SGCZ: variants seen among roughly 807,000 people sequenced by gnomAD.
The protein encoded by SGCZ is zeta-sarcoglycan.
A neutral mutation model predicts 41.3 loss-of-function variants in SGCZ; 40 were observed. The observed-to-expected ratio is 0.97, with a 90% confidence interval of 0.75 to 1.26. The LOEUF is 1.26. Among genes scored for constraint, SGCZ ranks in the 50% most tolerant of loss-of-function variants. The pLI is 0.00. For missense variants in SGCZ, 552 were observed against 369.8 expected (o/e 1.49, Z -4.04); for synonymous variants, 206 against 137.5 (o/e 1.50, Z -3.49).
chr8:15,164,270 G>A (rs1013643954), intron 1 of SGCZ, among the ~76,000 whole-genome samples: 1 of 152,094 alleles, frequency 6.6e-6, no homozygotes, highest in Non-Finnish European at 1.5e-5. Flanking sequence ...TTGCTTCTAC[G>A]CCTTTTCAAC....
intron 2 of SGCZ, among the ~76,000 whole-genome samples, chr8:14,422,733 A>G (rs912969853): frequency 1.3e-5 from 2 of 152,196 alleles, no homozygotes; most frequent in African/African-American, 4.8e-5. Context: ...TTCAAAATAC[A>G]GAAGGCTTGC....
At chr8:14,146,876 AAT>A (rs1803539441) in intron 5 of SGCZ, among the ~76,000 whole-genome samples, 1 of 143,760 alleles carries the variant, frequency 7.0e-6, no homozygotes, top group South Asian at 2.1e-4. Flanking sequence ...CGTCTCAAAA[AAT>A]AAAAATAAAA....
At chr8:14,613,642 TA>T (rs1806002084) in intron 1 of SGCZ, among the ~76,000 whole-genome samples, 1 of 152,222 alleles carries the variant, frequency 6.6e-6, no homozygotes, top group South Asian at 2.1e-4. Flanking sequence ...TATACGCCAT[TA>T]AATCATGTAA....
chr8:14,930,170 G>A (rs978067726), intron 1 of SGCZ, among the ~76,000 whole-genome samples: 1 of 152,036 alleles, frequency 6.6e-6, no homozygotes, highest in Non-Finnish European at 1.5e-5. Flanking sequence ...ATCAAAAAGT[G>A]GGCGAAGGAT....
At chr8:14,765,538 G>C (rs957942517) in intron 1 of SGCZ, among the ~76,000 whole-genome samples, 1 of 152,298 alleles carries the variant, frequency 6.6e-6, no homozygotes, top group African/African-American at 2.4e-5. Flanking sequence ...TCCTGGCAGA[G>C]TATCCCTCAG....
At chr8:14,689,679 A>C (rs1156671196) in intron 1 of SGCZ, among the ~76,000 whole-genome samples, 1 of 152,200 alleles carries the variant, frequency 6.6e-6, no homozygotes, top group Non-Finnish European at 1.5e-5. Flanking sequence ...TGAAATTGTT[A>C]ATCAGGGACT....
intron 4 of SGCZ, among the ~76,000 whole-genome samples, chr8:14,193,075 T>G (rs888254841): frequency 6.6e-6 from 1 of 151,890 alleles, no homozygotes. Context: ...AGACTGTATC[T>G]TATAGGCTGT....
intron 1 of SGCZ, among the ~76,000 whole-genome samples, chr8:14,990,433 C>A (rs1801970699): frequency 2.0e-5 from 3 of 152,142 alleles, no homozygotes; most frequent in African/African-American, 4.8e-5. Context: ...CTCCCCATCG[C>A]TGGGATTACT....
chr8:15,009,696 C>G (rs1327851137), intron 1 of SGCZ, among the ~76,000 whole-genome samples: 1 of 152,114 alleles, frequency 6.6e-6, no homozygotes, highest in Non-Finnish European at 1.5e-5. Context: ...CTCTCAGGCT[C>G]CTGAAAGTTT....
intron 1 of SGCZ, among the ~76,000 whole-genome samples, chr8:14,915,043 ATT>A (rs1203584023): frequency 4.6e-5 from 7 of 151,988 alleles, no homozygotes; most frequent in Non-Finnish European, 1.0e-4. Flanking sequence ...CAGTAAAAAT[ATT>A]TTTTTTCAGC....
intron 1 of SGCZ, among the ~76,000 whole-genome samples, chr8:14,765,123 C>T (rs1232117013): frequency 2.0e-5 from 3 of 152,178 alleles, no homozygotes; most frequent in Non-Finnish European, 4.4e-5. Context: ...TTCCAACATG[C>T]TCCTGTGACA....
intron 5 of SGCZ, among the ~76,000 whole-genome samples, chr8:14,139,956 A>T (rs562422357): frequency 4.1e-4 from 63 of 152,280 alleles, no homozygotes; most frequent in South Asian, 3.5e-3. Context: ...GGCAAACCAA[A>T]TCCAGCAGCA....
intron 1 of SGCZ, among the ~76,000 whole-genome samples, chr8:15,190,680 T>G (rs960012070): frequency 5.4e-5 from 8 of 149,468 alleles, no homozygotes; most frequent in Admixed American, 1.3e-4. Flanking sequence ...TAAAATTGTG[T>G]GGGGGGAGGT....
intron 2 of SGCZ, among the ~76,000 whole-genome samples, chr8:14,463,579 T>A (rs778552438): frequency 1.1e-4 from 17 of 151,700 alleles, no homozygotes; most frequent in Non-Finnish European, 2.4e-4. Flanking sequence ...ACACTGGATT[T>A]GGTAATGATT....
At chr8:14,484,050 T>A (rs11987681) in intron 2 of SGCZ, among the ~76,000 whole-genome samples, 137,787 of 152,184 alleles carry the variant, frequency 0.91, 63,736 homozygotes, top group East Asian at 1. Context: ...AATATGCCAC[T>A]TTATTAGACA....
At chr8:14,193,313 T>C (rs1346675137) in intron 4 of SGCZ, among the ~76,000 whole-genome samples, 1 of 136,438 alleles carries the variant, frequency 7.3e-6, no homozygotes, top group Non-Finnish European at 1.6e-5. Flanking sequence ...TCTCCCTCTT[T>C]CCTATAAAAA....
At chr8:14,826,289 T>A (rs1802312101) in intron 1 of SGCZ, among the ~76,000 whole-genome samples, 1 of 152,184 alleles carries the variant, frequency 6.6e-6, no homozygotes, top group African/African-American at 2.4e-5. Flanking sequence ...CTACATAGTA[T>A]TCCATGGTGT....
At chr8:14,801,575 G>C (rs1461111965) in intron 1 of SGCZ, among the ~76,000 whole-genome samples, 3 of 152,122 alleles carry the variant, frequency 2.0e-5, no homozygotes. Context: ...TAAAGTAAAT[G>C]GCCAAGGTAA....
At position 14,085,727 on chromosome 8, in the gene SGCZ, G is replaced by A. The variant is rs147282840; in HGVS notation, c.*4716C>T. On this transcript the variant is annotated 3_prime_UTR_variant, in exon 8 of 8. Transcript: ENST00000382080. ...GAATACCAAGGAGTTTGTTATGCAT[G>A]TATAAAAGAAAAGTGGACCACACTA... 2.6e-5 allele frequency among the ~76,000 whole-genome samples: 4 copies of A among 151,828 alleles called. No individual in the cohort carries two copies. Among genetic ancestry groups the A allele is most frequent in the African/African-American group, 7.2e-5 (3 of 41,500 alleles).
Sources: gnomAD v4.1 joint callset for allele counts (sites outside exome capture counted in the v4.1 genomes callset) on GRCh38, gnomAD v4.1.1 for gene constraint, MANE v1.5 for transcripts, NCBI Gene and HGNC (gene_info 2026-07-23, HGNC 2026-07-21) for gene names.